PTPRN2: variants seen among roughly 807,000 people sequenced by gnomAD.
The protein encoded by PTPRN2 is receptor-type tyrosine-protein phosphatase N2.
A neutral mutation model predicts 118.8 loss-of-function variants in PTPRN2; 74 were observed. The ratio of observed to expected loss-of-function variants is 0.62; its 90% CI spans 0.52 to 0.76. PTPRN2 has a LOEUF of 0.76. Ranked by LOEUF, PTPRN2 falls within the 30% of genes least tolerant of loss-of-function variation. The pLI is 0.00. For synonymous variants in PTPRN2, 641 were observed against 608.0 expected (o/e 1.05, Z -0.80); for missense variants, 1,481 against 1,394.4 (o/e 1.06, Z -0.99).
chr7:158,293,756 TA>T lies in PTPRN2; in HGVS notation c.277+23062del, dbSNP rs35511035. 3.1e-3 allele frequency among the ~76,000 whole-genome samples: 463 copies of T among 147,158 alleles called. 3 individuals carry two copies. Among genetic ancestry groups the T allele is most frequent in the African/African-American group, 0.011 (437 of 40,282 alleles). Reference sequence around the variant, plus strand: ...TCTTCCACTTTTAAAACTTTTTTGTTAAAAAAAAAAAAACTAAGACACAAAC... The same window carrying T: ...TCTTCCACTTTTAAAACTTTTTTGTTAAAAAAAAAAAACTAAGACACAAAC... On this transcript the variant is annotated intron_variant, in intron 3 of 22. Coordinates refer to ENST00000389418, the MANE Select transcript of PTPRN2 (RefSeq NM_002847.5).
intron 6 of PTPRN2, among the ~76,000 whole-genome samples, chr7:158,150,938 G>A (rs1585643571): frequency 6.6e-6 from 1 of 151,872 alleles, no homozygotes; most frequent in Admixed American, 6.6e-5. Flanking sequence ...GAGAAGCTGG[G>A]AAATATTATT....
At chr7:158,415,628 G>A (rs573250863) in intron 2 of PTPRN2, among the ~76,000 whole-genome samples, 11 of 152,230 alleles carry the variant, frequency 7.2e-5, no homozygotes, top group South Asian at 4.2e-4. Flanking sequence ...CACGGGCCCC[G>A]CCTCAGAGTT....
rs538765574 is a variant in PTPRN2 at position 157,583,849 on chromosome 7, G to A, written c.2497-5709C>T. On this transcript the variant is annotated intron_variant, in intron 17 of 22. Transcript: ENST00000389418. The surrounding 1 kb of genome is among the most constrained non-coding windows in gnomAD (Gnocchi z 5.5). ...GTGAGCTGAGATCATGCCACTGCAC[G>A]CCAGCCTGGGTGACAGAGCGAGACT... Among the ~76,000 whole-genome samples, 8 of 151,278 alleles carry A rather than the reference G, an allele frequency of 5.3e-5. No homozygotes were observed. Among genetic ancestry groups the A allele is most frequent in the African/African-American group, 1.9e-4 (8 of 41,184 alleles).
At chr7:158,315,631 G>A (rs1224182944) in intron 3 of PTPRN2, among the ~76,000 whole-genome samples, 1 of 152,248 alleles carries the variant, frequency 6.6e-6, no homozygotes, top group Non-Finnish European at 1.5e-5. Context: ...ATTCCGCCTG[G>A]AAGGAGAAAC....
intron 11 of PTPRN2, among the ~76,000 whole-genome samples, chr7:157,993,559 G>A (rs773491891): frequency 7.2e-5 from 11 of 152,254 alleles, no homozygotes; most frequent in East Asian, 5.8e-4. Flanking sequence ...GGGAGGTGGC[G>A]ATCGGAATCA....
At chr7:157,555,584 G>A (rs555517669) in intron 21 of PTPRN2, among the ~76,000 whole-genome samples, 4 of 152,238 alleles carry the variant, frequency 2.6e-5, no homozygotes, top group Non-Finnish European at 4.4e-5. Flanking sequence ...TCATTCTTCC[G>A]CATGGCTTCC....
Position 157,779,550 on chromosome 7 carries a change from C to T in PTPRN2, c.1789-96613G>A, listed in dbSNP as rs928029594. Among the ~76,000 whole-genome samples, 5 of 152,158 alleles carry T rather than the reference C, an allele frequency of 3.3e-5. No homozygotes were observed. Among genetic ancestry groups the T allele is most frequent in the African/African-American group, 7.2e-5 (3 of 41,440 alleles). On this transcript the variant is annotated intron_variant, in intron 12 of 22. Coordinates refer to ENST00000389418, the MANE Select transcript of PTPRN2 (RefSeq NM_002847.5). This position sits in a 1 kb window ranked among gnomAD's most constrained non-coding sequence, Gnocchi z 4.7. The stretch of plus-strand genomic sequence containing the variant: ...CTCCACGTTGTCCCCAGCAGGGCGA[C>T]GGAGGGTGGGGGCGGCAGGCTGTCT...
intron 14 of PTPRN2, among the ~76,000 whole-genome samples, chr7:157,643,063 C>G (rs1283737971): frequency 6.6e-6 from 1 of 152,186 alleles, no homozygotes. Context: ...GGATAAACCT[C>G]TTTGGAGTTG....
chr7:157,940,914 T>G lies in PTPRN2; in HGVS notation c.1724-42177A>C, dbSNP rs1292256927. On this transcript the variant is annotated intron_variant, in intron 11 of 22. Coordinates refer to ENST00000389418, the MANE Select transcript of PTPRN2 (RefSeq NM_002847.5). ...ACACTGCAAATCTAACACCCCCCCGTGACACTGCAAATCTAACACCCTCCC... is the reference window on the plus strand; with the variant it reads ...ACACTGCAAATCTAACACCCCCCCGGGACACTGCAAATCTAACACCCTCCC... Among the ~76,000 whole-genome samples, 2 of 12,412 alleles carry G rather than the reference T, an allele frequency of 1.6e-4. 1 individual carries two copies. Among genetic ancestry groups the G allele is most frequent in the African/African-American group, 1.6e-3 (2 of 1,268 alleles). The allele number at this position is 12,412 out of a possible 152,430, so 8.1% of individuals were successfully genotyped here.
In PTPRN2 at chr7:158,343,326, C is replaced by G. The variant is rs75067665; in HGVS notation, c.164-26394G>C. ...CCCAGCATCACCAGCGTCAAGGCAA[C>G]GCAAATCAAAACCACAGTGAGACCT... On this transcript the variant is annotated intron_variant, in intron 2 of 22. Coordinates refer to ENST00000389418, the MANE Select transcript of PTPRN2 (RefSeq NM_002847.5). Among the ~76,000 whole-genome samples the G allele has an allele frequency of 4.7e-3, 723 of 152,306 alleles. 9 individuals carry two copies. The highest frequency in any genetic ancestry group is 0.015 in the African/African-American group (633 of 41,564).
intron 10 of PTPRN2, 108 bp downstream of exon 10, chr7:158,110,721 C>T: frequency 9.8e-7 from 1 of 1,020,196 alleles, no homozygotes; most frequent in Non-Finnish European, 1.5e-6. Context: ...TAAACAGGTT[C>T]CCTCATGTAA....
chr7:157,952,984 T>C (rs1184684290), intron 11 of PTPRN2, among the ~76,000 whole-genome samples: 1 of 151,600 alleles, frequency 6.6e-6, no homozygotes, highest in Non-Finnish European at 1.5e-5. Context: ...ACGGCCTCCA[T>C]TGGCCCACAG....
At chr7:158,337,245 T>A (rs868395363) in intron 2 of PTPRN2, among the ~76,000 whole-genome samples, 801 of 146,220 alleles carry the variant, frequency 5.5e-3, no homozygotes, top group African/African-American at 0.02. Flanking sequence ...ATTCTCACCA[T>A]AAGAGCTGAC....
rs34938846 is a variant in PTPRN2, at chr7:158,054,022, G to A, written c.1723+27276C>T. ...GATGCAGAGACCCTAGAGACGCAGAGACTCCAGAGATGCAGAGACCCCAGA... is the reference window on the plus strand; with the variant it reads ...GATGCAGAGACCCTAGAGACGCAGAAACTCCAGAGATGCAGAGACCCCAGA... On this transcript the variant is annotated intron_variant, in intron 11 of 22. Coordinates refer to ENST00000389418, the MANE Select transcript of PTPRN2 (RefSeq NM_002847.5). Among the ~76,000 whole-genome samples the A allele has an allele frequency of 3.0e-3, 370 of 125,312 alleles. 4 individuals carry two copies. The East Asian group carries it at 0.052, about 17-fold the overall frequency. 82.2% of individuals were successfully genotyped at this position (125,312 alleles called of 152,430 possible). A position where few individuals can be genotyped will look rare whatever the true frequency, so the allele number is the denominator to read the frequency against.
At chr7:158,207,912 A>G (rs1827286265) in intron 3 of PTPRN2, among the ~76,000 whole-genome samples, 1 of 152,262 alleles carries the variant, frequency 6.6e-6, no homozygotes, top group Admixed American at 6.5e-5. Flanking sequence ...AAAGACAATC[A>G]GAATCCTATC....
chr7:157,705,616 T>C (rs1798288425), intron 12 of PTPRN2, among the ~76,000 whole-genome samples: 1 of 151,136 alleles, frequency 6.6e-6, no homozygotes, highest in Admixed American at 6.6e-5. Context: ...TGCTGGGAAT[T>C]GAGTGAATCT....
intron 3 of PTPRN2, among the ~76,000 whole-genome samples, chr7:158,222,904 G>GA (rs1461551572): frequency 2.6e-5 from 4 of 151,894 alleles, no homozygotes; most frequent in East Asian, 1.9e-4. Flanking sequence ...CTGGTTCCTT[G>GA]AAAAAAATCA....
chr7:158,011,907 A>G (rs796649730), intron 11 of PTPRN2, among the ~76,000 whole-genome samples: 24 of 152,328 alleles, frequency 1.6e-4, no homozygotes, highest in African/African-American at 5.8e-4. Context: ...CTTTTTCCCC[A>G]CAGTTCTTTC....
rs565512706 is a variant in PTPRN2 at position 158,576,696 on chromosome 7, C to G, written c.112+10862G>C. On this transcript the variant is annotated intron_variant, in intron 1 of 22. Coordinates refer to ENST00000389418, the MANE Select transcript of PTPRN2 (RefSeq NM_002847.5). Reference sequence around the variant, plus strand: ...AGATGGAAATGCACAGGGCATCTGGCTCCCAGTCCTGCCCGATGCCACAAA... The same window carrying G: ...AGATGGAAATGCACAGGGCATCTGGGTCCCAGTCCTGCCCGATGCCACAAA... Among the ~76,000 whole-genome samples, 42 of 152,328 alleles carry G rather than the reference C, an allele frequency of 2.8e-4. No individual in the cohort carries two copies. The South Asian group carries it at 8.5e-3, about 31-fold the overall frequency.
Sources: gnomAD v4.1 joint callset for allele counts (sites outside exome capture counted in the v4.1 genomes callset) on GRCh38, gnomAD v4.1.1 for gene constraint, Gnocchi (gnomAD v3.1) non-coding constraint, MANE v1.5 for transcripts, NCBI Gene and HGNC (gene_info 2026-07-23, HGNC 2026-07-21) for gene names.